UBR2: variants seen among roughly 807,000 people sequenced by gnomAD.
UBR2 encodes E3 ubiquitin-protein ligase UBR2.
Under a neutral mutation model 247.9 loss-of-function variants are expected in UBR2, and 92 were observed. The ratio of observed to expected loss-of-function variants is 0.37; its 90% CI spans 0.31 to 0.44. UBR2 has a LOEUF of 0.44. Among genes scored for constraint, UBR2 ranks in the 20% least tolerant of loss-of-function variants. The probability of loss-of-function intolerance (pLI) is 1.00; values close to 1 mark genes in which losing one functional copy is unlikely to be tolerated. For synonymous variants in UBR2, 672 were observed against 693.5 expected, an observed-to-expected ratio of 0.97 and a Z score of 0.49; for missense variants, 1,613 against 2,112.6, an observed-to-expected ratio of 0.76 and a Z score of 4.64.
chr6:42,578,958 A>AACAAACACACACACACACAC (rs1415279279), intron 2 of UBR2, among the ~76,000 whole-genome samples: 70 of 116,360 alleles, frequency 6.0e-4, no homozygotes, highest in African/African-American at 2.6e-3. Flanking sequence ...CCATCTCAAA[A>AACAAACACACACACACACAC]ACACACACAC....
chr6:42,625,206 A>T (rs553922145), intron 11 of UBR2, among the ~76,000 whole-genome samples: 1 of 152,324 alleles, frequency 6.6e-6, no homozygotes, highest in Admixed American at 6.5e-5. Context: ...AAATGATTTT[A>T]TAGCCAGTTA....
intron 2 of UBR2, among the ~76,000 whole-genome samples, chr6:42,575,188 A>G (rs60214187): frequency 0.022 from 3,360 of 151,554 alleles, 115 homozygotes; most frequent in African/African-American, 0.076. Flanking sequence ...ATGTGTTGTC[A>G]GAGACATTAT....
At chr6:42,604,224 T>TGGCCAGAGAGCTGGATTC (rs1793557333) in intron 5 of UBR2, among the ~76,000 whole-genome samples, 1 of 152,190 alleles carries the variant, frequency 6.6e-6, no homozygotes, top group Admixed American at 6.5e-5. Flanking sequence ...TACAAACTTG[T>TGGCCAGAGAGCTGGATTC]GGCCAGAGAG....
intron 18 of UBR2, among the ~76,000 whole-genome samples, 197 bp downstream of exon 18, chr6:42,642,678 C>T (rs1046565459): frequency 3.9e-5 from 6 of 152,114 alleles, no homozygotes; most frequent in East Asian, 1.9e-4. Flanking sequence ...TCATATTAAA[C>T]GTATTCAGAA....
intron 26 of UBR2, among the ~76,000 whole-genome samples, chr6:42,656,686 G>A (rs1678229773): frequency 6.6e-6 from 1 of 152,218 alleles, no homozygotes; most frequent in African/African-American, 2.4e-5. Flanking sequence ...AGGGGACAAG[G>A]AGGAAGTAAT....
chr6:42,568,443 T>C (rs1020930333), intron 1 of UBR2, among the ~76,000 whole-genome samples: 2 of 152,238 alleles, frequency 1.3e-5, no homozygotes. Flanking sequence ...TATTTATCCA[T>C]GTTGGGCCAG....
At chr6:42,568,075 G>C (rs752515008) in intron 1 of UBR2, among the ~76,000 whole-genome samples, 4 of 151,998 alleles carry the variant, frequency 2.6e-5, no homozygotes, top group African/African-American at 4.8e-5. Context: ...AATAAATAAT[G>C]AATTTGTTAA....
intron 28 of UBR2, 122 bp from the exon 29 acceptor site, chr6:42,658,524 T>C (rs1582666255): frequency 1.7e-6 from 2 of 1,175,628 alleles, no homozygotes; most frequent in African/African-American, 1.7e-5. Context: ...TTTTCTCTTA[T>C]TTAAATAAGT....
At chr6:42,621,964 A>T (rs1316400532) in intron 11 of UBR2, among the ~76,000 whole-genome samples, 3 of 152,066 alleles carry the variant, frequency 2.0e-5, no homozygotes, top group Admixed American at 6.6e-5. Context: ...TTAGTTTTTT[A>T]AAAAAATTTC....
At position 42,693,387 on chromosome 6, in the gene UBR2, A is replaced by C. The variant is rs1047328809; in HGVS notation, c.*2214A>C. ...TACGCTTTCCATATCAGGGAAAATC[A>C]TATCTGTTTAATAAATTGGCTATAA... is the stretch of plus-strand genomic sequence containing the variant. On this transcript the variant is annotated 3_prime_UTR_variant, in exon 47 of 47. Coordinates refer to ENST00000372901, the MANE Select transcript of UBR2 (RefSeq NM_001363705.2). 3 of 152,232 alleles carry C rather than the reference A, an allele frequency of 2.0e-5. No individual in the cohort carries two copies. The highest frequency in any genetic ancestry group is 4.4e-5 in the Non-Finnish European group (3 of 68,042). 9.4% of individuals were successfully genotyped at this position (152,232 alleles called of 1,614,324 possible).
At position 42,601,889 on chromosome 6, in the gene UBR2, T is replaced by A. The variant is rs1562298373; in HGVS notation, c.532-1699T>A. On this transcript the variant is annotated intron_variant, in intron 4 of 46. Coordinates refer to ENST00000372901, the MANE Select transcript of UBR2 (RefSeq NM_001363705.2). ...CTTTTTTTTTTCTTTTTTTTTTTTT[T>A]GATGGAGTTTTGCTCTGTTGCCCAG... Among the ~76,000 whole-genome samples the A allele has an allele frequency of 4.5e-3, 403 of 90,122 alleles. 11 individuals are homozygous for A. The highest frequency in any genetic ancestry group is 6.1e-3 in the Middle Eastern group (1 of 164). 59.1% of individuals were successfully genotyped at this position (90,122 alleles called of 152,430 possible).
At chr6:42,639,821 T>C (rs1252793811) in intron 15 of UBR2, among the ~76,000 whole-genome samples, 1 of 152,216 alleles carries the variant, frequency 6.6e-6, no homozygotes, top group East Asian at 1.9e-4. Context: ...CAACTAAGAC[T>C]AGTTCTAAGT....
chr6:42,648,408 G>A (rs1268159906), intron 22 of UBR2, among the ~76,000 whole-genome samples: 1 of 152,178 alleles, frequency 6.6e-6, no homozygotes, highest in Non-Finnish European at 1.5e-5. Flanking sequence ...CAGAATAGGT[G>A]TTCATAGCTG....
rs1338787178 is a variant in UBR2, at chr6:42,689,553, A to G, written c.5025-16A>G. ...CTAATGTGTAAATGTGTAACGTATG[A>G]CTGATCTCTCTACAGAGTACGGGAA... On this transcript the variant is annotated splice_polypyrimidine_tract_variant and intron_variant, in intron 45 of 46. Coordinates refer to ENST00000372901, the MANE Select transcript of UBR2 (RefSeq NM_001363705.2). This position sits in a 1 kb window ranked among gnomAD's most constrained non-coding sequence, Gnocchi z 4.0. The G allele has an allele frequency of 6.2e-7, 1 of 1,611,494 alleles. No homozygotes were observed. The highest frequency in any genetic ancestry group is 8.5e-7 in the Non-Finnish European group (1 of 1,177,644).
Position 42,670,252 on chromosome 6 carries a change from A to G in UBR2, c.4030+12A>G. Reference sequence around the variant, plus strand: ...CATCCAAAGCATAGGTAAGAGATTTACAGCTGTTTCTCTATAAGTCACAAG... The same window carrying G: ...CATCCAAAGCATAGGTAAGAGATTTGCAGCTGTTTCTCTATAAGTCACAAG... On this transcript the variant is annotated intron_variant, in intron 35 of 46. Coordinates refer to ENST00000372901, the MANE Select transcript of UBR2 (RefSeq NM_001363705.2). 6.2e-7 allele frequency: 1 copy of G among 1,610,762 alleles called. No individual in the cohort carries two copies. The highest frequency in any genetic ancestry group is 1.1e-5 in the South Asian group (1 of 90,902).
intron 18 of UBR2, 125 bp downstream of exon 18, chr6:42,642,606 G>A: frequency 1.4e-6 from 1 of 709,720 alleles, no homozygotes. Context: ...TGTCTCCTCA[G>A]CTCCAAACTC....
chr6:42,595,849 A>G (rs1347546237), intron 4 of UBR2, among the ~76,000 whole-genome samples: 2 of 152,072 alleles, frequency 1.3e-5, no homozygotes, highest in Non-Finnish European at 1.5e-5. Flanking sequence ...TATGGAAAAC[A>G]TGTTTTGTTT....
chr6:42,685,137 C>G (rs1321075137), intron 44 of UBR2, among the ~76,000 whole-genome samples: 1 of 152,124 alleles, frequency 6.6e-6, no homozygotes, highest in African/African-American at 2.4e-5. Flanking sequence ...CTTGGTGAAA[C>G]CCTGTCTCTA....
In UBR2 at chr6:42,676,440, T is replaced by G. The variant is rs72861196; in HGVS notation, c.4387+249T>G. 4.2e-3 allele frequency among the ~76,000 whole-genome samples: 640 copies of G among 152,374 alleles called. 1 individual carries two copies. The highest frequency in any genetic ancestry group is 7.2e-3 in the Non-Finnish European group (493 of 68,038). ...TTGTGTAGAATAGTAATTAAATCTT[T>G]TAGAATCTTATGTTTTAGAATGCCA... On this transcript the variant is annotated intron_variant, in intron 39 of 46. Coordinates refer to ENST00000372901, the MANE Select transcript of UBR2 (RefSeq NM_001363705.2).
Sources: gnomAD v4.1 joint callset for allele counts (sites outside exome capture counted in the v4.1 genomes callset) on GRCh38, gnomAD v4.1.1 for gene constraint, Gnocchi (gnomAD v3.1) non-coding constraint, MANE v1.5 for transcripts, NCBI Gene and HGNC (gene_info 2026-07-23, HGNC 2026-07-21) for gene names.